Variants in PSD3 observed in about 807,000 individuals in gnomAD.
PSD3 encodes PH and SEC7 domain-containing protein 3.
Under a neutral mutation model 105.5 loss-of-function variants are expected in PSD3, and 49 were observed. That is an observed-to-expected ratio of 0.46 (90% CI 0.37 to 0.59). The LOEUF (loss-of-function observed/expected upper bound fraction) is 0.59. PSD3 is among the 20% of genes least tolerant of loss of function. PSD3 has a pLI of 0.00. For missense variants in PSD3, 1,561 were observed against 1,263.8 expected, an observed-to-expected ratio of 1.24 and a Z score of -3.57; for synonymous variants, 557 against 457.8, an observed-to-expected ratio of 1.22 and a Z score of -2.77.
intron 11 of PSD3, among the ~76,000 whole-genome samples, chr8:18,623,630 C>A (rs1293364438): frequency 7.1e-6 from 1 of 140,950 alleles, no homozygotes; most frequent in Non-Finnish European, 1.5e-5. Context: ...GGTTACTGAG[C>A]GAGACTCCAT....
At chr8:18,956,923 T>C (rs777417773) in intron 1 of PSD3, among the ~76,000 whole-genome samples, 1 of 152,266 alleles carries the variant, frequency 6.6e-6, no homozygotes, top group East Asian at 1.9e-4. Flanking sequence ...AGGACTCCAG[T>C]TGGGGATCCT....
At chr8:18,593,777 T>C (rs1309405177) in intron 12 of PSD3, among the ~76,000 whole-genome samples, 1 of 151,832 alleles carries the variant, frequency 6.6e-6, no homozygotes, top group East Asian at 1.9e-4. Flanking sequence ...ATATACACCA[T>C]GGAACACTAT....
chr8:18,871,519 C>G (rs1817346031), intron 3 of PSD3, 107 bp downstream of exon 3: 2 of 1,400,938 alleles, frequency 1.4e-6, no homozygotes, highest in Non-Finnish European at 1.9e-6. Flanking sequence ...TCCATGATAA[C>G]AAGAACCCAA....
chr8:18,571,860 G>A (rs573804755), intron 14 of PSD3, among the ~76,000 whole-genome samples: 2 of 151,458 alleles, frequency 1.3e-5, no homozygotes, highest in Admixed American at 1.3e-4. Context: ...ATGGCAAGGG[G>A]GTACTACAGA....
chr8:18,808,267 T>G (rs1422806992), intron 4 of PSD3, among the ~76,000 whole-genome samples: 1 of 152,228 alleles, frequency 6.6e-6, no homozygotes, highest in African/African-American at 2.4e-5. Context: ...GAAAGGATTT[T>G]CTTCTTAATT....
chr8:18,997,484 C>A (rs1826143106), intron 1 of PSD3, among the ~76,000 whole-genome samples: 3 of 151,940 alleles, frequency 2.0e-5, no homozygotes. Flanking sequence ...TCCACTCTTC[C>A]CCGCTTCAGT....
At chr8:19,026,701 CAAAAAAAAAAAA>C (rs10669321) in intron 1 of PSD3, among the ~76,000 whole-genome samples, 2 of 82,246 alleles carry the variant, frequency 2.4e-5, no homozygotes, top group Non-Finnish European at 2.3e-5. Flanking sequence ...CACATCTCTA[CAAAAAAAAAAAA>C]AAAAAAAAAA....
chr8:18,799,438 G>C (rs575072405), intron 7 of PSD3, 85 bp from the exon 8 acceptor site: 207 of 1,069,350 alleles, frequency 1.9e-4, no homozygotes, highest in Non-Finnish European at 4.7e-5. Context: ...GATACACTCA[G>C]AACCTATGAA....
chr8:18,749,221 G>A (rs757041056), intron 9 of PSD3, among the ~76,000 whole-genome samples: 1 of 152,160 alleles, frequency 6.6e-6, no homozygotes, highest in Non-Finnish European at 1.5e-5. Flanking sequence ...GCTGCTCTTA[G>A]TGGACCACAC....
intron 1 of PSD3, among the ~76,000 whole-genome samples, chr8:18,994,554 T>TA (rs1825966944): frequency 6.6e-6 from 1 of 152,052 alleles, no homozygotes. Context: ...GCACCTGAAA[T>TA]ATGGCAGATG....
chr8:18,607,336 T>A (rs574211692), intron 11 of PSD3, among the ~76,000 whole-genome samples: 9 of 152,234 alleles, frequency 5.9e-5, no homozygotes, highest in Admixed American at 2.0e-4. Flanking sequence ...GCACAGCAAA[T>A]GATTGCTGAA....
At chr8:18,853,047 T>C (rs371211284) in intron 4 of PSD3, among the ~76,000 whole-genome samples, 3 of 152,214 alleles carry the variant, frequency 2.0e-5, no homozygotes, top group African/African-American at 7.2e-5. Context: ...TATGGGCCTA[T>C]GACTCCTAAG....
chr8:18,563,719 T>A (rs966719344), intron 14 of PSD3, among the ~76,000 whole-genome samples: 1 of 152,190 alleles, frequency 6.6e-6, no homozygotes, highest in African/African-American at 2.4e-5. Flanking sequence ...AATGAATTTT[T>A]AAAAATCTAT....
At chr8:18,568,286 T>C (rs1585262061) in intron 14 of PSD3, among the ~76,000 whole-genome samples, 1 of 147,426 alleles carries the variant, frequency 6.8e-6, no homozygotes, top group African/African-American at 2.5e-5. Context: ...TGGAACCTTT[T>C]CCCCCCTTTC....
At chr8:18,843,915 A>AT (rs10578700) in intron 4 of PSD3, among the ~76,000 whole-genome samples, 1,956 of 141,696 alleles carry the variant, frequency 0.014, 26 homozygotes, top group African/African-American at 0.029. Flanking sequence ...AAGATAGACT[A>AT]TTTTTTTTTT....
chr8:18,926,577 A>G (rs1241028690), intron 2 of PSD3, among the ~76,000 whole-genome samples: 2 of 152,064 alleles, frequency 1.3e-5, no homozygotes, highest in African/African-American at 4.8e-5. Context: ...ATGAGATACT[A>G]CTTCATATCT....
chr8:18,596,997 A>C (rs1804152411), intron 12 of PSD3, among the ~76,000 whole-genome samples: 1 of 152,178 alleles, frequency 6.6e-6, no homozygotes, highest in Non-Finnish European at 1.5e-5. Flanking sequence ...CTGATATCAA[A>C]ACCAGAAAAC....
chr8:18,643,442 C>T (rs1253587879), intron 10 of PSD3, among the ~76,000 whole-genome samples: 3 of 152,202 alleles, frequency 2.0e-5, no homozygotes, highest in African/African-American at 7.2e-5. Context: ...AGTCCAAACT[C>T]TGACCTAAAT....
intron 8 of PSD3, among the ~76,000 whole-genome samples, chr8:18,767,328 G>A (rs2129443908): frequency 6.6e-6 from 1 of 152,298 alleles, no homozygotes; most frequent in South Asian, 2.1e-4. Flanking sequence ...GGATTTTTAG[G>A]TTCCGTATAG....
Sources: gnomAD v4.1 joint callset for allele counts (sites outside exome capture counted in the v4.1 genomes callset) on GRCh38, gnomAD v4.1.1 for gene constraint, MANE v1.5 for transcripts, NCBI Gene and HGNC (gene_info 2026-07-23, HGNC 2026-07-21) for gene names.